The following C1orf210 variants were observed in gnomAD, a reference collection of about 807,000 sequenced individuals.
C1orf210 encodes type III endosome membrane protein TEMP.
A neutral mutation model predicts 3.7 loss-of-function variants in C1orf210; 3 were observed. The ratio of observed to expected loss-of-function variants is 0.81; its 90% CI spans 0.37 to 2.08. The LOEUF is 2.08. Among genes scored for constraint, C1orf210 ranks in the 30% most tolerant of loss-of-function variants. C1orf210 has a pLI of 0.06. For missense variants in C1orf210, 143 were observed against 147.7 expected (o/e 0.97, Z 0.17); for synonymous variants, 62 against 61.7 (o/e 1.00, Z -0.02).
rs1646554541 is a variant in C1orf210 at position 43,282,797 on chromosome 1, G to C, written c.330C>G (p.His110Gln). The C allele has an allele frequency of 6.3e-7, 1 of 1,594,774 alleles. No individual in the cohort carries two copies. Among genetic ancestry groups the C allele is most frequent in the East Asian group, 2.2e-5 (1 of 44,718 alleles). Residue 110 changes from histidine to glutamine, a missense_variant, in exon 3 of 3, where the codon CAC becomes CAG. Coordinates refer to ENST00000523677, the MANE Select transcript of C1orf210 (RefSeq NM_182517.3). ...TAAAGATGGGAGCTCAGAGGGAGAA[G>C]TGGTCCCTGCTACCCTCTGTCCCCA... ...GELGTEGSRD[H>Q]FSL
In C1orf210 at chr1:43,283,487, C is replaced by A. The variant is rs528284447; in HGVS notation, c.-98-119G>T. The A allele has an allele frequency of 8.2e-5, 43 of 521,606 alleles. No individual in the cohort carries two copies. The East Asian group carries it at 1.2e-3, about 15-fold the overall frequency. 32.3% of individuals were successfully genotyped at this position (521,606 alleles called of 1,614,324 possible). ...GGGACTGGACAACTGACCACACCAG[C>A]TCTCCACAGAAGAGAAACAAGCTGA... On this transcript the variant is annotated intron_variant, in intron 1 of 2. Transcript: ENST00000523677.
intron 1 of C1orf210, among the ~76,000 whole-genome samples, chr1:43,283,608 C>T (rs866178088): frequency 1.4e-4 from 22 of 152,172 alleles, no homozygotes; most frequent in African/African-American, 4.8e-4. Flanking sequence ...CTGAGCATTC[C>T]TTATAATTCA....
chr1:43,282,910 C>G lies in C1orf210; in HGVS notation c.217G>C (p.Gly73Arg). 6.2e-7 allele frequency: 1 copy of G among 1,614,204 alleles called. No individual in the cohort carries two copies. The change falls in exon 3 of 3, where the codon GGA becomes CGA. Residue 73 changes from glycine (G) to arginine (R), a missense_variant. Transcript: ENST00000523677. ...GCCACCTGTGGGCGGCCTCCCCTTCCTGTCTCAGGCAGTGGGCGGTGCCGG... is the reference window on the plus strand; with the variant it reads ...GCCACCTGTGGGCGGCCTCCCCTTCGTGTCTCAGGCAGTGGGCGGTGCCGG... ...SYRHRPLPET[G>R]RGGRPQVAED...
In C1orf210 at chr1:43,283,033, G is replaced by A. The variant is rs749952918; in HGVS notation, c.94C>T (p.Pro32Ser). The change falls in exon 3 of 3, where the codon CCT becomes TCT. Residue 32 changes from proline (P) to serine (S), a missense_variant. Pro to Ser is a moderately conservative substitution (Grantham distance 74, BLOSUM62 -1). Coordinates refer to ENST00000523677, the MANE Select transcript of C1orf210 (RefSeq NM_182517.3). Reference protein sequence around the residue: ...PGPGTGARAWPVLVGFVLGAV... With the variant: ...PGPGTGARAWSVLVGFVLGAV... ...CCCAGCACAAATCCTACCAGCACAGGCCATGCCCGAGCCCCAGTGCCTGGG... is the reference window on the plus strand; with the variant it reads ...CCCAGCACAAATCCTACCAGCACAGACCATGCCCGAGCCCCAGTGCCTGGG... The A allele has an allele frequency of 2.5e-6, 4 of 1,613,972 alleles. No homozygotes were observed. Among genetic ancestry groups the A allele is most frequent in the East Asian group, 4.5e-5 (2 of 44,886 alleles).
chr1:43,285,788 C>A (rs1000224638), upstream of C1orf210, among the ~76,000 whole-genome samples: 1 of 152,124 alleles, frequency 6.6e-6, no homozygotes, highest in Non-Finnish European at 1.5e-5. Flanking sequence ...CCCTCACCCC[C>A]CAATGCTTGC....
At position 43,283,265 on chromosome 1, in the gene C1orf210, A is replaced by T; in HGVS notation, c.6T>A (p.Asn2Lys). 1.2e-6 allele frequency: 2 copies of T among 1,612,970 alleles called. No individual in the cohort carries two copies. The highest frequency in any genetic ancestry group is 3.3e-4 in the Middle Eastern group (2 of 6,058). The change falls in exon 2 of 3, where the codon AAT (asparagine) becomes AAA (lysine). Residue 2 changes from asparagine to lysine, a missense_variant. Physicochemically the swap from Asn to Lys is moderately conservative, Grantham distance 94. Transcript: ENST00000523677. Reference sequence around the variant, plus strand: ...ACTGTCACTCACTTTTGTTTGTCTCATTCATGGAGGGGCCTGATGACACCA... The same window carrying T: ...ACTGTCACTCACTTTTGTTTGTCTCTTTCATGGAGGGGCCTGATGACACCA... M[N>K]ETNKTLVGPS...
rs1646553940 is a variant in C1orf210, at chr1:43,282,695, CTGTCCCTGAGGTTCAAGGCCCCCA to C, written c.*66_*89del. The C allele has an allele frequency of 7.5e-7, 1 of 1,340,178 alleles. No homozygotes were observed. Among genetic ancestry groups the C allele is most frequent in the Non-Finnish European group, 1.0e-6 (1 of 973,068 alleles). The allele number at this position is 1,340,178 out of a possible 1,614,324, so 83.0% of individuals were successfully genotyped here. The stretch of plus-strand genomic sequence containing the variant: ...GCCAACCTTTAAGCCCCAGCCACCT[CTGTCCCTGAGGTTCAAGGCCCCCA>C]TGTCATAACCACTGTCCTTAAGCTG... On this transcript the variant is annotated 3_prime_UTR_variant, in exon 3 of 3. Transcript: ENST00000523677.
chr1:43,285,247 C>T (rs1207313646), intron 1 of C1orf210, among the ~76,000 whole-genome samples, 197 bp downstream of exon 1: 3 of 152,122 alleles, frequency 2.0e-5, no homozygotes, highest in African/African-American at 7.2e-5. Context: ...ATTCCTATTC[C>T]TTTCCTCCCT....
chr1:43,283,107 G>T lies in C1orf210; in HGVS notation c.20C>A (p.Thr7Lys). The T allele has an allele frequency of 6.2e-7, 1 of 1,612,046 alleles. No individual in the cohort carries two copies. The highest frequency in any genetic ancestry group is 8.5e-7 in the Non-Finnish European group (1 of 1,178,720). Residue 7 changes from threonine to lysine, a missense_variant and splice_region_variant, in exon 3 of 3, where the codon ACA becomes AAA. Thr to Lys is a moderately conservative substitution (Grantham distance 78). Transcript: ENST00000523677. MNETNKTLVGPSELPTA... is the reference protein window; with the variant it reads MNETNKKLVGPSELPTA... The stretch of plus-strand genomic sequence containing the variant: ...GGGGAGCTCCGAAGGCCCAACAAGT[G>T]CTGCAGAGAAAGGGACAGCATTATA...
Position 43,283,045 on chromosome 1 carries a change from C to A in C1orf210, c.82G>T (p.Ala28Ser). Residue 28 changes from alanine to serine, a missense_variant, in exon 3 of 3, where the codon GCT (alanine) becomes TCT (serine). Physicochemically the swap from Ala to Ser is moderately conservative, Grantham distance 99 (BLOSUM62 1). Coordinates refer to ENST00000523677, the MANE Select transcript of C1orf210 (RefSeq NM_182517.3). ...CCTACCAGCACAGGCCATGCCCGAGCCCCAGTGCCTGGGCCAGGGGCCACA... is the reference window on the plus strand; with the variant it reads ...CCTACCAGCACAGGCCATGCCCGAGACCCAGTGCCTGGGCCAGGGGCCACA... ...SAVAPGPGTG[A>S]RAWPVLVGFV... 1 of 1,614,094 alleles carries A rather than the reference C, an allele frequency of 6.2e-7. No individual in the cohort carries two copies. Among genetic ancestry groups the A allele is most frequent in the Non-Finnish European group, 8.5e-7 (1 of 1,179,946 alleles).
At chr1:43,283,765 CT>C (rs1291859913) in intron 1 of C1orf210, among the ~76,000 whole-genome samples, 2 of 152,152 alleles carry the variant, frequency 1.3e-5, no homozygotes, top group Non-Finnish European at 2.9e-5. Context: ...TGTTGCACTG[CT>C]TGGTAAGCTG....
rs35465732 is a variant in C1orf210 at position 43,283,092 on chromosome 1, G to A, written c.35C>T (p.Ser12Leu). 26,358 of 1,613,024 alleles carry A rather than the reference G, an allele frequency of 0.016. 290 individuals carry two copies. Among genetic ancestry groups the A allele is most frequent in the Non-Finnish European group, 0.018 (21,356 of 1,179,358 alleles). ...CACAGCAGACGCTGTGGGGAGCTCCGAAGGCCCAACAAGTGCTGCAGAGAA... is the reference window on the plus strand; with the variant it reads ...CACAGCAGACGCTGTGGGGAGCTCCAAAGGCCCAACAAGTGCTGCAGAGAA... ...NETNKTLVGP[S>L]ELPTASAVAP... is the part of the protein sequence containing the mutation. Residue 12 changes from serine (S) to leucine (L), a missense_variant, in exon 3 of 3, where the codon TCG becomes TTG. Coordinates refer to ENST00000523677, the MANE Select transcript of C1orf210 (RefSeq NM_182517.3).
At position 43,282,919 on chromosome 1, in the gene C1orf210, G is replaced by A; in HGVS notation, c.208C>T (p.Pro70Ser). The change falls in exon 3 of 3, where the codon CCT (proline) becomes TCT (serine). Residue 70 changes from proline (P) to serine (S), a missense_variant. Coordinates refer to ENST00000523677, the MANE Select transcript of C1orf210 (RefSeq NM_182517.3). ...GGGCGGCCTCCCCTTCCTGTCTCAG[G>A]CAGTGGGCGGTGCCGGTAGCTGGCA... ...YHASYRHRPL[P>S]ETGRGGRPQV... The A allele has an allele frequency of 6.2e-7, 1 of 1,614,154 alleles. No individual in the cohort carries two copies. The highest frequency in any genetic ancestry group is 8.5e-7 in the Non-Finnish European group (1 of 1,180,004).
intron 1 of C1orf210, among the ~76,000 whole-genome samples, chr1:43,283,859 G>A (rs534990617): frequency 2.0e-5 from 3 of 152,274 alleles, no homozygotes; most frequent in African/African-American, 7.2e-5. Context: ...CAGCCAAAGC[G>A]GAGACCACAT....
chr1:43,283,290 A>G lies in C1orf210; in HGVS notation c.-20T>C. 1 of 1,613,814 alleles carries G rather than the reference A, an allele frequency of 6.2e-7. No homozygotes were observed. The highest frequency in any genetic ancestry group is 8.5e-7 in the Non-Finnish European group (1 of 1,179,862). On this transcript the variant is annotated 5_prime_UTR_variant, in exon 2 of 3. Coordinates refer to ENST00000523677, the MANE Select transcript of C1orf210 (RefSeq NM_182517.3). Reference sequence around the variant, plus strand: ...ATTCATGGAGGGGCCTGATGACACCAGTGAGTCTCAGCCTCAACCAGAAAG... The same window carrying G: ...ATTCATGGAGGGGCCTGATGACACCGGTGAGTCTCAGCCTCAACCAGAAAG...
Position 43,283,025 on chromosome 1 carries a change from C to T in C1orf210, c.102G>A (p.Leu34=). The change falls in exon 3 of 3, where the codon CTG becomes CTA. Residue 34 remains leucine, a synonymous_variant. Coordinates refer to ENST00000523677, the MANE Select transcript of C1orf210 (RefSeq NM_182517.3). ...PGTGARAWPV[L]VGFVLGAVVL... ...CCACAGCCCCCAGCACAAATCCTAC[C>T]AGCACAGGCCATGCCCGAGCCCCAG... The T allele has an allele frequency of 6.2e-7, 1 of 1,614,060 alleles. No individual in the cohort carries two copies. The highest frequency in any genetic ancestry group is 1.1e-5 in the South Asian group (1 of 91,076).
chr1:43,282,861 A>C lies in C1orf210; in HGVS notation c.266T>G (p.Phe89Cys). 2 of 1,614,164 alleles carry C rather than the reference A, an allele frequency of 1.2e-6. No homozygotes were observed. Among genetic ancestry groups the C allele is most frequent in the Non-Finnish European group, 1.7e-6 (2 of 1,180,010 alleles). The change falls in exon 3 of 3, where the codon TTC (phenylalanine) becomes TGC (cysteine). Residue 89 changes from phenylalanine to cysteine, a missense_variant. Coordinates refer to ENST00000523677, the MANE Select transcript of C1orf210 (RefSeq NM_182517.3). ...QVAEDEDDDG[F>C]IEDNYIQPGT... ...AGGCTGAATGTAATTGTCCTCGATGAAGCCATCATCATCCTCATCTTCAGC... is the reference window on the plus strand; with the variant it reads ...AGGCTGAATGTAATTGTCCTCGATGCAGCCATCATCATCCTCATCTTCAGC...
intron 1 of C1orf210, among the ~76,000 whole-genome samples, chr1:43,285,061 G>A (rs1245289453): frequency 2.0e-5 from 3 of 152,152 alleles, no homozygotes; most frequent in African/African-American, 7.2e-5. Flanking sequence ...AATTAACGAG[G>A]GGAGCGTGAG....
Position 43,281,887 on chromosome 1 carries a change from T to C in C1orf210, c.*898A>G, listed in dbSNP as rs980526398. Reference sequence around the variant, plus strand: ...AAAATGAGTGACAGCTTTTTATTTTTATTCAAAATGAAAATAGATTTATTA... The same window carrying C: ...AAAATGAGTGACAGCTTTTTATTTTCATTCAAAATGAAAATAGATTTATTA... On this transcript the variant is annotated 3_prime_UTR_variant, in exon 3 of 3. Transcript: ENST00000523677. The C allele has an allele frequency of 6.6e-6, 1 of 152,232 alleles. No homozygotes were observed. The highest frequency in any genetic ancestry group is 2.4e-5 in the African/African-American group (1 of 41,460). 9.4% of individuals were successfully genotyped at this position (152,232 alleles called of 1,614,324 possible).
Sources: gnomAD v4.1 joint callset for allele counts (sites outside exome capture counted in the v4.1 genomes callset) on GRCh38, gnomAD v4.1.1 for gene constraint, MANE v1.5 for transcripts, NCBI Gene and HGNC (gene_info 2026-07-23, HGNC 2026-07-21) for gene names.